TULP4: variants seen among roughly 807,000 people sequenced by gnomAD.
The protein encoded by TULP4 is tubby-related protein 4.
In TULP4, 16 loss-of-function variants were observed where a neutral mutation model predicts 129.0. The ratio of observed to expected loss-of-function variants is 0.12; its 90% CI spans 0.08 to 0.19. The LOEUF (loss-of-function observed/expected upper bound fraction) is 0.19. TULP4 is among the 10% of genes least tolerant of loss of function. TULP4 has a pLI of 1.00. For missense variants in TULP4, 1,842 were observed against 2,059.1 expected (o/e 0.89, Z 2.04); for synonymous variants, 998 against 854.0 (o/e 1.17, Z -2.94).
chr6:158,501,336 G>T (rs1298935436), intron 12 of TULP4, among the ~76,000 whole-genome samples: 1 of 152,272 alleles, frequency 6.6e-6, no homozygotes, highest in Admixed American at 6.5e-5. Flanking sequence ...GCATAAAAGG[G>T]TGGGTATTTT....
chr6:158,452,068 GC>G, intron 4 of TULP4, 65 bp from the exon 5 acceptor site: 1 of 1,588,680 alleles, frequency 6.3e-7, no homozygotes, highest in Non-Finnish European at 8.6e-7. Flanking sequence ...CAAGATTTCA[GC>G]TTTGGGAACC....
At chr6:158,385,664 AATATACATGTTTT>A (rs1379347124) in intron 1 of TULP4, among the ~76,000 whole-genome samples, 2 of 149,170 alleles carry the variant, frequency 1.3e-5, no homozygotes, top group Admixed American at 1.3e-4. Flanking sequence ...AATATATACA[AATATACATGTTTT>A]ATATACATAT....
rs944906761 is a variant in TULP4 at position 158,306,426 on chromosome 6, C to T, written n.117-5625C>T. Among the ~76,000 whole-genome samples the T allele has an allele frequency of 9.3e-4, 141 of 152,252 alleles. 1 individual carries two copies. The highest frequency in any genetic ancestry group is 3.1e-3 in the African/African-American group (127 of 41,546). On this transcript the variant is annotated intron_variant and non_coding_transcript_variant, in intron 1 of 1. Coordinates refer to the TULP4 transcript ENST00000432358. ...ACAAAAAGTTAGCCGGGCATGGCGG[C>T]ATGCGCCTGTAGTCCCAGCTCCTCA... is the stretch of plus-strand genomic sequence containing the variant.
chr6:158,242,539 T>A, intron 1 of TULP4: 1 of 750,016 alleles, frequency 1.3e-6, no homozygotes, highest in Non-Finnish European at 2.5e-6. Flanking sequence ...TTCAAGACAT[T>A]CTCAATTCTG....
At chr6:158,400,578 C>T (rs939314089) in intron 1 of TULP4, among the ~76,000 whole-genome samples, 1 of 152,056 alleles carries the variant, frequency 6.6e-6, no homozygotes, top group African/African-American at 2.4e-5. Flanking sequence ...GCATTTACTC[C>T]ATATATGGCT....
chr6:158,415,358 T>TTC (rs1554289152), intron 2 of TULP4, among the ~76,000 whole-genome samples: 13 of 150,412 alleles, frequency 8.6e-5, no homozygotes, highest in Admixed American at 4.6e-4. Context: ...TCTTTTTTTT[T>TTC]TTTTTTTTTG....
In TULP4 at chr6:158,509,295, CAAAGG is replaced by C. The variant is rs1780678465; in HGVS notation, c.*2603_*2607del. On this transcript the variant is annotated 3_prime_UTR_variant, in exon 14 of 14. Transcript: ENST00000367097. Reference sequence around the variant, plus strand: ...TGTATTTTGTGTTATTGATTATATACAAAGGAGACTTTTTTTTTGAGATAACACTC... The same window carrying C: ...TGTATTTTGTGTTATTGATTATATACAGACTTTTTTTTTGAGATAACACTC... 1 of 151,504 alleles carries C rather than the reference CAAAGG, an allele frequency of 6.6e-6. No homozygotes were observed. Among genetic ancestry groups the C allele is most frequent in the African/African-American group, 2.4e-5 (1 of 41,280 alleles). The allele number at this position is 151,504 out of a possible 1,614,324, so 9.4% of individuals were successfully genotyped here. A position where few individuals can be genotyped will look rare whatever the true frequency, so the allele number is the denominator to read the frequency against.
Position 158,238,144 on chromosome 6 carries a change from T to C in TULP4, n.68+5841T>C, listed in dbSNP as rs1583662895. On this transcript the variant is annotated intron_variant and non_coding_transcript_variant, in intron 1 of 1. Coordinates refer to the TULP4 transcript ENST00000620026. ...GGTTTCTGCTTTAACTCCTCTCTGC[T>C]TCTCAATATTAGACATGCTAAGAAA... 5 of 752,528 alleles carry C rather than the reference T, an allele frequency of 6.6e-6. No homozygotes were observed. The East Asian group carries it at 1.0e-4, about 15-fold the overall frequency. 46.6% of individuals were successfully genotyped at this position (752,528 alleles called of 1,614,324 possible). A position where few individuals can be genotyped will look rare whatever the true frequency, so the allele number is the denominator to read the frequency against.
Position 158,388,322 on chromosome 6 carries a change from C to CTTTTTTTTTTT in TULP4, c.253-24728_253-24718dup, listed in dbSNP as rs10650311. Among the ~76,000 whole-genome samples the CTTTTTTTTTTT allele has an allele frequency of 3.3e-3, 285 of 86,260 alleles. 10 individuals carry two copies. Among genetic ancestry groups the CTTTTTTTTTTT allele is most frequent in the African/African-American group, 5.1e-3 (103 of 20,176 alleles). The allele number at this position is 86,260 out of a possible 152,430, so 56.6% of individuals were successfully genotyped here. On this transcript the variant is annotated intron_variant, in intron 1 of 13. Transcript: ENST00000367097. Reference sequence around the variant, plus strand: ...AAAGAAAAATAATCTGCTCGTTTTTCTTTTTTTTTTTTTTTTTTTTTTTTT... The same window carrying CTTTTTTTTTTT: ...AAAGAAAAATAATCTGCTCGTTTTTCTTTTTTTTTTTTTTTTTTTTTTTTTTTTTTTTTTTT...
At position 158,506,898 on chromosome 6, in the gene TULP4, C is replaced by G. The variant is rs1780618051; in HGVS notation, c.*204C>G. ...GTTTTATTACCTTTTATTGTCTGTTCTTCTTTTCTTCTTTCATTTCAGTGG... is the reference window on the plus strand; with the variant it reads ...GTTTTATTACCTTTTATTGTCTGTTGTTCTTTTCTTCTTTCATTTCAGTGG... On this transcript the variant is annotated 3_prime_UTR_variant, in exon 14 of 14. Coordinates refer to ENST00000367097, the MANE Select transcript of TULP4 (RefSeq NM_020245.5). 4 of 557,894 alleles carry G rather than the reference C, an allele frequency of 7.2e-6. No individual in the cohort carries two copies. Among genetic ancestry groups the G allele is most frequent in the Admixed American group, 3.2e-5 (1 of 31,122 alleles). The allele number at this position is 557,894 out of a possible 1,614,324, so 34.6% of individuals were successfully genotyped here. A position where few individuals can be genotyped will look rare whatever the true frequency, so the allele number is the denominator to read the frequency against.
intron 2 of TULP4, among the ~76,000 whole-genome samples, chr6:158,416,457 A>G (rs1469436303): frequency 6.1e-5 from 5 of 82,530 alleles, no homozygotes; most frequent in African/African-American, 1.7e-4. Flanking sequence ...ATTTAAAAAG[A>G]AAAAAAAAAT....
Position 158,429,716 on chromosome 6 carries a change from T to C in TULP4, c.382-20T>C, listed in dbSNP as rs1778585910. 2.5e-6 allele frequency: 4 copies of C among 1,600,576 alleles called. No homozygotes were observed. Among genetic ancestry groups the C allele is most frequent in the Non-Finnish European group, 3.4e-6 (4 of 1,173,058 alleles). ...CCTTTTCAGATTACAAATTGACTCT[T>C]TTCTGTGTGTGTCCCCAAGGTGAGT... On this transcript the variant is annotated intron_variant, in intron 2 of 13. Coordinates refer to ENST00000367097, the MANE Select transcript of TULP4 (RefSeq NM_020245.5).
chr6:158,247,617 GAATGTTTTTC>G (rs1403791697), intron 1 of TULP4, among the ~76,000 whole-genome samples: 1 of 152,226 alleles, frequency 6.6e-6, no homozygotes. Flanking sequence ...TTGTGTGTGT[GAATGTTTTTC>G]AGTCCCAGTT....
At chr6:158,456,332 GCA>G (rs1779291250) in intron 5 of TULP4, among the ~76,000 whole-genome samples, 1 of 152,238 alleles carries the variant, frequency 6.6e-6, no homozygotes, top group South Asian at 2.1e-4. Context: ...TGGGCCACAT[GCA>G]GCCCAGGACA....
chr6:158,244,282 GC>G (rs1554273526), intron 1 of TULP4, among the ~76,000 whole-genome samples: 1 of 152,110 alleles, frequency 6.6e-6, no homozygotes, highest in Non-Finnish European at 1.5e-5. Context: ...TGAAATCAGA[GC>G]AGACCATTTT....
chr6:158,434,161 T>TA (rs527389341), intron 3 of TULP4, among the ~76,000 whole-genome samples: 125 of 152,328 alleles, frequency 8.2e-4, no homozygotes, highest in African/African-American at 2.9e-3. Context: ...TAACTGTAGT[T>TA]ACCTCTTTAC....
rs544693329 is a variant in TULP4, at chr6:158,332,572, G to C, written c.252+18304G>C. Among the ~76,000 whole-genome samples, 347 of 152,178 alleles carry C rather than the reference G, an allele frequency of 2.3e-3. 1 individual carries two copies. Among genetic ancestry groups the C allele is most frequent in the Non-Finnish European group, 3.8e-3 (261 of 68,000 alleles). On this transcript the variant is annotated intron_variant, in intron 1 of 13. Transcript: ENST00000367097. ...CAGAAGGAGTGACTACTCACTTTTT[G>C]ACCCTCAGGCCATTGGCAGCTGGGA...
At chr6:158,346,253 A>G (rs918945265) in intron 1 of TULP4, among the ~76,000 whole-genome samples, 1 of 152,262 alleles carries the variant, frequency 6.6e-6, no homozygotes, top group African/African-American at 2.4e-5. Flanking sequence ...CGAAGATAAC[A>G]GGATTAAGAG....
chr6:158,502,369 G>C lies in TULP4; in HGVS notation c.2706G>C (p.Arg902=). The stretch of plus-strand genomic sequence containing the variant: ...GTGGCAACGTGGAGGAGGTGTGCCG[G>C]CCCCGCACCCGGATGCTGTGCTCCC... ...DSSGNVEEVC[R]PRTRMLCSQN... Residue 902 remains arginine, a synonymous_variant, in exon 13 of 14, where the codon CGG becomes CGC. Coordinates refer to ENST00000367097, the MANE Select transcript of TULP4 (RefSeq NM_020245.5). The C allele has an allele frequency of 6.2e-7, 1 of 1,613,766 alleles. No individual in the cohort carries two copies. Among genetic ancestry groups the C allele is most frequent in the Middle Eastern group, 1.7e-4 (1 of 6,060 alleles).
Sources: gnomAD v4.1 joint callset for allele counts (sites outside exome capture counted in the v4.1 genomes callset) on GRCh38, gnomAD v4.1.1 for gene constraint, MANE v1.5 for transcripts, NCBI Gene and HGNC (gene_info 2026-07-23, HGNC 2026-07-21) for gene names.